Variants in MGAT5 observed in about 807,000 individuals in gnomAD.
The protein encoded by MGAT5 is alpha-1,6-mannosylglycoprotein 6-beta-N-acetylglucosaminyltransferase A.
In MGAT5, 30 loss-of-function variants were observed where a neutral mutation model predicts 94.3. That is an observed-to-expected ratio of 0.32 (90% confidence interval 0.24 to 0.43). MGAT5 has a LOEUF of 0.43. Ranked by LOEUF, MGAT5 falls within the 20% of genes least tolerant of loss-of-function variation. MGAT5 has a pLI of 1.00. For synonymous variants in MGAT5, 310 were observed against 322.9 expected (o/e 0.96, Z 0.43); for missense variants, 691 against 905.5 (o/e 0.76, Z 3.04).
rs377362331 is a variant in MGAT5, at chr2:134,441,865, C to T, written c.1977C>T (p.Ile659=). The T allele has an allele frequency of 3.3e-5, 54 of 1,613,986 alleles. No individual in the cohort carries two copies. Among genetic ancestry groups the T allele is most frequent in the Non-Finnish European group, 4.5e-5 (53 of 1,180,020 alleles). ...CKQVCQESQL[I]CEPSFFQHLN... ...AGGTGTGCCAGGAGAGCCAGCTCAT[C>T]TGCGAGCCTTCTTTCTTCCAGCACC... The change falls in exon 15 of 16, where the codon ATC becomes ATT. Residue 659 remains isoleucine (I), a synonymous_variant. Coordinates refer to ENST00000281923, the MANE Select transcript of MGAT5 (RefSeq NM_002410.5).
At chr2:134,322,198 C>A (rs1434964725) in intron 4 of MGAT5, among the ~76,000 whole-genome samples, 1 of 152,044 alleles carries the variant, frequency 6.6e-6, no homozygotes, top group Non-Finnish European at 1.5e-5. Flanking sequence ...ATGTTGTGAT[C>A]TTTTTGGAAT....
At chr2:134,255,401 T>C (rs532159476) in intron 1 of MGAT5, among the ~76,000 whole-genome samples, 3 of 151,496 alleles carry the variant, frequency 2.0e-5, no homozygotes, top group African/African-American at 7.3e-5. Context: ...CTCCAGGCAA[T>C]AACCACAATT....
At chr2:134,155,208 C>T (rs1274080681) in intron 1 of MGAT5, among the ~76,000 whole-genome samples, 8 of 152,236 alleles carry the variant, frequency 5.3e-5, no homozygotes, top group African/African-American at 9.6e-5. Context: ...GACATCTCTG[C>T]TGCCACCACC....
At chr2:134,190,142 A>G (rs1689294313) in intron 1 of MGAT5, among the ~76,000 whole-genome samples, 1 of 152,110 alleles carries the variant, frequency 6.6e-6, no homozygotes. Context: ...CCAACTTTGG[A>G]TGGACATGGG....
chr2:134,357,939 A>C (rs1024847681), intron 9 of MGAT5, among the ~76,000 whole-genome samples: 1 of 152,024 alleles, frequency 6.6e-6, no homozygotes, highest in Middle Eastern at 3.4e-3. Flanking sequence ...ATAGTTTTTT[A>C]ATCCAGATTT....
intron 1 of MGAT5, among the ~76,000 whole-genome samples, chr2:134,121,840 ACTC>A (rs1685607038): frequency 6.6e-6 from 1 of 151,528 alleles, no homozygotes; most frequent in Non-Finnish European, 1.5e-5. Context: ...CTTGGTTTTT[ACTC>A]CAAGAGACTC....
chr2:134,218,340 G>C (rs575537521), intron 1 of MGAT5, among the ~76,000 whole-genome samples: 4 of 152,282 alleles, frequency 2.6e-5, no homozygotes, highest in East Asian at 1.9e-4. Context: ...TCAGTTAACT[G>C]TTACCACATG....
chr2:134,142,658 G>C (rs1686712519), intron 1 of MGAT5, among the ~76,000 whole-genome samples: 1 of 152,126 alleles, frequency 6.6e-6, no homozygotes, highest in South Asian at 2.1e-4. Context: ...GTTTTGGCAA[G>C]TTGCAAATCC....
rs16830300 is a variant in MGAT5 at position 134,268,266 on chromosome 2, G to T, written c.242-2120G>T. On this transcript the variant is annotated intron_variant, in intron 1 of 15. Coordinates refer to ENST00000281923, the MANE Select transcript of MGAT5 (RefSeq NM_002410.5). This position sits in a 1 kb window ranked among gnomAD's most constrained non-coding sequence, Gnocchi z 4.1. ...TGATAGTTAAATGCTATTCTAGATTGTATTCGGATTCTAGCTGGCTGATGA... is the reference window on the plus strand; with the variant it reads ...TGATAGTTAAATGCTATTCTAGATTTTATTCGGATTCTAGCTGGCTGATGA... Among the ~76,000 whole-genome samples, 5,437 of 152,322 alleles carry T rather than the reference G, an allele frequency of 0.036. 272 individuals carry two copies. The highest frequency in any genetic ancestry group is 0.11 in the African/African-American group (4,729 of 41,558).
intron 11 of MGAT5, among the ~76,000 whole-genome samples, chr2:134,407,147 C>G (rs1418139063): frequency 7.2e-5 from 11 of 152,204 alleles, no homozygotes; most frequent in Admixed American, 7.2e-4. Flanking sequence ...GCTAGGGACA[C>G]TACCCTTCTG....
intron 1 of MGAT5, among the ~76,000 whole-genome samples, chr2:134,197,904 A>G (rs183988566): frequency 1.8e-4 from 27 of 152,320 alleles, no homozygotes; most frequent in African/African-American, 5.3e-4. Flanking sequence ...GAGGTTGGGT[A>G]GATTTTTTTC....
chr2:134,145,214 C>CTCTGTGTG lies in MGAT5; in HGVS notation c.-143+24924_-143+24925insCTGTGTGT, dbSNP rs373377770. Reference sequence around the variant, plus strand: ...GTAAGGTGTGTGTGTGTCTCTCTCTCTGTGTGTGTGTGTGTGTGTGTGTGT... The same window carrying CTCTGTGTG: ...GTAAGGTGTGTGTGTGTCTCTCTCTCTCTGTGTGTGTGTGTGTGTGTGTGTGTGTGTGT... On this transcript the variant is annotated intron_variant, in intron 1 of 16. Transcript: ENST00000409645. Among the ~76,000 whole-genome samples the CTCTGTGTG allele has an allele frequency of 5.7e-3, 824 of 143,860 alleles. 4 individuals carry two copies. The highest frequency in any genetic ancestry group is 0.016 in the African/African-American group (622 of 38,566). The allele number at this position is 143,860 out of a possible 152,430, so 94.4% of individuals were successfully genotyped here. A position where few individuals can be genotyped will look rare whatever the true frequency, so the allele number is the denominator to read the frequency against.
At chr2:134,186,796 T>C (rs1344190455) in intron 1 of MGAT5, among the ~76,000 whole-genome samples, 1 of 152,246 alleles carries the variant, frequency 6.6e-6, no homozygotes, top group East Asian at 1.9e-4. Context: ...GGTCCTACTC[T>C]GCACTCAGAA....
rs548014218 is a variant in MGAT5, at chr2:134,432,116, A to G, written c.1869+3677A>G. 2.0e-5 allele frequency among the ~76,000 whole-genome samples: 3 copies of G among 152,338 alleles called. No homozygotes were observed. In the East Asian group the frequency reaches 5.8e-4, roughly 29 times the overall value. Reference sequence around the variant, plus strand: ...GTGTGGGCTTGTTAAGGTTTTCATTATGCATTTCTTGGGAAAGTCTTTTGT... The same window carrying G: ...GTGTGGGCTTGTTAAGGTTTTCATTGTGCATTTCTTGGGAAAGTCTTTTGT... On this transcript the variant is annotated intron_variant, in intron 14 of 15. Transcript: ENST00000281923.
At chr2:134,370,225 T>C (rs972883428) in intron 10 of MGAT5, among the ~76,000 whole-genome samples, 6 of 152,252 alleles carry the variant, frequency 3.9e-5, no homozygotes, top group African/African-American at 1.4e-4. Context: ...CCAAGACCTT[T>C]GTAATTAAAG....
chr2:134,412,274 C>T (rs1343109530), intron 11 of MGAT5, among the ~76,000 whole-genome samples: 1 of 152,094 alleles, frequency 6.6e-6, no homozygotes, highest in African/African-American at 2.4e-5. Context: ...ACCCTCTCTC[C>T]CCTCTGAGGG....
chr2:134,189,602 G>GTTTTTTTTTTGTTTTTTTTTTTTTTTTTT (rs1689241661), intron 1 of MGAT5, among the ~76,000 whole-genome samples: 1 of 84,672 alleles, frequency 1.2e-5, no homozygotes, highest in Non-Finnish European at 2.3e-5. Context: ...GTTTTTTTTT[G>GTTTTTTTTTTGTTTTTTTTTTTTTTTTTT]TTTTTTTTTT....
chr2:134,419,198 G>C (rs899067130), intron 12 of MGAT5, among the ~76,000 whole-genome samples: 2 of 152,168 alleles, frequency 1.3e-5, no homozygotes, highest in African/African-American at 4.8e-5. Flanking sequence ...TTGAAGAGAA[G>C]AAAAGGTCTG....
At chr2:134,158,340 C>G (rs527437351) in intron 1 of MGAT5, among the ~76,000 whole-genome samples, 2 of 152,348 alleles carry the variant, frequency 1.3e-5, no homozygotes, top group South Asian at 4.1e-4. Context: ...TCTAAGCGCC[C>G]CCTTGGCTTC....
Sources: allele counts gnomAD v4.1 joint callset (sites outside exome capture counted in the v4.1 genomes callset), GRCh38; gene constraint gnomAD v4.1.1; non-coding constraint Gnocchi (gnomAD v3.1); transcripts MANE v1.5; gene names NCBI Gene and HGNC (gene_info 2026-07-23, HGNC 2026-07-21).